Variants in MAD1L1 observed in about 807,000 individuals in gnomAD.
MAD1L1 encodes the protein mitotic spindle assembly checkpoint protein MAD1.
In MAD1L1, 95 loss-of-function variants were observed where a neutral mutation model predicts 96.9. The observed-to-expected ratio is 0.98, with a 90% CI of 0.83 to 1.16. MAD1L1 has a LOEUF of 1.16. MAD1L1 is among the 50% of genes most tolerant of loss of function. MAD1L1 has a pLI of 0.00. For missense variants in MAD1L1, 1,007 were observed against 954.4 expected (o/e 1.06, Z -0.73); for synonymous variants, 473 against 396.6 (o/e 1.19, Z -2.29).
intron 12 of MAD1L1, among the ~76,000 whole-genome samples, chr7:2,054,293 G>A (rs1472782708): frequency 6.6e-6 from 1 of 152,260 alleles, no homozygotes; most frequent in Non-Finnish European, 1.5e-5. Context: ...ACGCACCTGA[G>A]GCAGAGACGG....
intron 12 of MAD1L1, among the ~76,000 whole-genome samples, chr7:2,068,192 G>A (rs182460964): frequency 6.6e-6 from 1 of 152,330 alleles, no homozygotes; most frequent in African/African-American, 2.4e-5. Flanking sequence ...GTCAGCATCT[G>A]AGCTATGCGC....
At chr7:2,165,287 C>T (rs1790370387) in intron 10 of MAD1L1, among the ~76,000 whole-genome samples, 1 of 152,276 alleles carries the variant, frequency 6.6e-6, no homozygotes, top group African/African-American at 2.4e-5. Flanking sequence ...CTACAGCTGC[C>T]GGGGATGAAG....
At chr7:1,934,650 AC>A (rs1226663669) in intron 17 of MAD1L1, among the ~76,000 whole-genome samples, 1 of 150,126 alleles carries the variant, frequency 6.7e-6, no homozygotes, top group Non-Finnish European at 1.5e-5. Context: ...ACAGGCAGAC[AC>A]CCAGACAACA....
rs73032345 is a variant in MAD1L1 at position 2,088,343 on chromosome 7, T to C, written c.1074-19005A>G. Among the ~76,000 whole-genome samples the C allele has an allele frequency of 0.027, 4,122 of 152,216 alleles. 96 individuals are homozygous for C. Among genetic ancestry groups the C allele is most frequent in the South Asian group, 0.089 (431 of 4,816 alleles). On this transcript the variant is annotated intron_variant, in intron 11 of 18. Coordinates refer to ENST00000265854, the MANE Select transcript of MAD1L1 (RefSeq NM_001013836.2). The surrounding 1 kb of genome is among the most constrained non-coding windows in gnomAD (Gnocchi z 4.4). Reference sequence around the variant, plus strand: ...CCAGCACGGTGGTCTCGTGCTACCCTGGTTCCGTGTCGGCGCCAGCCCTCC... The same window carrying C: ...CCAGCACGGTGGTCTCGTGCTACCCCGGTTCCGTGTCGGCGCCAGCCCTCC...
intron 11 of MAD1L1, among the ~76,000 whole-genome samples, chr7:2,117,867 C>T (rs907890351): frequency 1.3e-5 from 2 of 152,114 alleles, no homozygotes; most frequent in African/African-American, 4.8e-5. Context: ...GTGTGTGTAT[C>T]CACAGGGCCC....
chr7:2,166,056 C>G (rs572838562), intron 10 of MAD1L1, among the ~76,000 whole-genome samples: 3 of 152,202 alleles, frequency 2.0e-5, no homozygotes, highest in Non-Finnish European at 4.4e-5. Context: ...TAAAACCACA[C>G]GTTCTCCCAT....
intron 11 of MAD1L1, among the ~76,000 whole-genome samples, chr7:2,097,546 A>G (rs140491002): frequency 6.4e-4 from 98 of 152,294 alleles, no homozygotes; most frequent in African/African-American, 2.2e-3. Flanking sequence ...CCAAGCTGGG[A>G]GCCAGGCAGT....
At chr7:1,905,517 G>A (rs1376094854) in intron 17 of MAD1L1, among the ~76,000 whole-genome samples, 3 of 151,750 alleles carry the variant, frequency 2.0e-5, no homozygotes, top group Non-Finnish European at 4.4e-5. Context: ...GTTCCAGGCA[G>A]CGAGGACACA....
intron 10 of MAD1L1, among the ~76,000 whole-genome samples, chr7:2,197,487 C>T (rs367639618): frequency 2.0e-5 from 3 of 152,182 alleles, no homozygotes; most frequent in Admixed American, 2.0e-4. Flanking sequence ...CCCCGACCCA[C>T]GCATCACTCC....
chr7:2,216,258 C>G lies in MAD1L1; in HGVS notation c.708G>C (p.Glu236Asp), dbSNP rs61751746. The part of the protein sequence containing the change: ...KDLEQKLSLQ[E>D]QDAAIVKNMK... ...TGTTCTTCACAATCGCTGCATCCTG[C>G]TCTTGCAGGGACAGCTTCTGCTCCA... is the stretch of plus-strand genomic sequence containing the variant. Residue 236 changes from glutamate to aspartate, a missense_variant, in exon 8 of 19, where the codon GAG becomes GAC. Transcript: ENST00000265854. 3.9e-3 allele frequency: 6,321 copies of G among 1,614,134 alleles called. 15 individuals carry two copies. Among genetic ancestry groups the G allele is most frequent in the Non-Finnish European group, 4.8e-3 (5,660 of 1,180,028 alleles).
rs773972047 is a variant in MAD1L1 at position 2,014,591 on chromosome 7, G to A, written c.1270C>T (p.Pro424Ser). The A allele has an allele frequency of 2.5e-6, 4 of 1,612,434 alleles. No individual in the cohort carries two copies. Among genetic ancestry groups the A allele is most frequent in the East Asian group, 4.5e-5 (2 of 44,870 alleles). Residue 424 changes from proline to serine, a missense_variant, in exon 13 of 19, where the codon CCG becomes TCG. Coordinates refer to ENST00000265854, the MANE Select transcript of MAD1L1 (RefSeq NM_001013836.2). ...ILGSYDSELT[P>S]AEYSPQLTRR... ...GTCAGCTGGGGTGAGTACTCGGCCG[G>A]GGTCAGCTCGCTGTCGTAGGACCCC...
At chr7:1,949,235 T>G (rs2128470429) in intron 16 of MAD1L1, among the ~76,000 whole-genome samples, 1 of 152,318 alleles carries the variant, frequency 6.6e-6, no homozygotes. Context: ...TGTAGAGTGG[T>G]GGCTATGGTG....
At chr7:1,876,157 T>G (rs1173277438) in intron 18 of MAD1L1, among the ~76,000 whole-genome samples, 1 of 152,160 alleles carries the variant, frequency 6.6e-6, no homozygotes, top group Non-Finnish European at 1.5e-5. Context: ...ACTAGCCCCT[T>G]GGCTCCATAG....
chr7:2,068,210 A>G (rs776819224), intron 12 of MAD1L1, among the ~76,000 whole-genome samples: 21 of 152,228 alleles, frequency 1.4e-4, no homozygotes, highest in Non-Finnish European at 2.1e-4. Context: ...CGCAGGGGCC[A>G]GCTCAGCCTG....
At chr7:1,984,859 C>T (rs1781070837) in intron 14 of MAD1L1, among the ~76,000 whole-genome samples, 1 of 152,216 alleles carries the variant, frequency 6.6e-6, no homozygotes, top group South Asian at 2.1e-4. Flanking sequence ...ACATCTATCT[C>T]ATTCTGTGGC....
At chr7:2,030,579 G>A (rs1584129397) in intron 12 of MAD1L1, among the ~76,000 whole-genome samples, 1 of 152,338 alleles carries the variant, frequency 6.6e-6, no homozygotes, top group East Asian at 1.9e-4. Context: ...CCAGTGACAG[G>A]TGGCCGGACC....
rs556799295 is a variant in MAD1L1, at chr7:2,172,256, C to T, written c.987-23018G>A. Among the ~76,000 whole-genome samples, 332 of 152,262 alleles carry T rather than the reference C, an allele frequency of 2.2e-3. 1 individual carries two copies. Among genetic ancestry groups the T allele is most frequent in the African/African-American group, 7.6e-3 (317 of 41,548 alleles). Reference sequence around the variant, plus strand: ...TTCTTCACAGCCTTGCGAGACACCACGACCCTTCCCATTCAACAGACAAGC... The same window carrying T: ...TTCTTCACAGCCTTGCGAGACACCATGACCCTTCCCATTCAACAGACAAGC... On this transcript the variant is annotated intron_variant, in intron 10 of 18. Transcript: ENST00000265854.
intron 18 of MAD1L1, among the ~76,000 whole-genome samples, chr7:1,851,194 G>A (rs1783956666): frequency 6.6e-6 from 1 of 152,188 alleles, no homozygotes; most frequent in Admixed American, 6.5e-5. Flanking sequence ...CCAGACCAGA[G>A]CGGGCGGCAG....
chr7:2,042,228 C>T (rs1226430699), intron 12 of MAD1L1, among the ~76,000 whole-genome samples: 1 of 147,802 alleles, frequency 6.8e-6, no homozygotes, highest in Non-Finnish European at 1.5e-5. Flanking sequence ...CGTGCACACA[C>T]AAGCGCATGC....
Sources: gnomAD v4.1 joint callset for allele counts (sites outside exome capture counted in the v4.1 genomes callset) on GRCh38, gnomAD v4.1.1 for gene constraint, Gnocchi (gnomAD v3.1) non-coding constraint, MANE v1.5 for transcripts, NCBI Gene and HGNC (gene_info 2026-07-23, HGNC 2026-07-21) for gene names.